Variants in SUGCT observed in about 807,000 individuals in gnomAD.
SUGCT encodes the protein succinyl-CoA:glutarate CoA-transferase.
A neutral mutation model predicts 55.0 loss-of-function variants in SUGCT; 41 were observed. The observed-to-expected ratio is 0.74, with a 90% CI of 0.58 to 0.97. The LOEUF is 0.97. Ranked by LOEUF, SUGCT falls within the 50% of genes least tolerant of loss-of-function variation. The pLI is 0.00. For synonymous variants in SUGCT, 187 were observed against 200.4 expected (o/e 0.93, Z 0.56); for missense variants, 568 against 547.8 (o/e 1.04, Z -0.37).
chr7:40,899,948 T>C, the SUGCT span, among the ~76,000 whole-genome samples: 4 of 152,020 alleles, frequency 2.6e-5, no homozygotes, highest in Admixed American at 2.0e-4. Flanking sequence ...AGGCCTGGAG[T>C]TTCGCAGGAT....
intron 12 of SUGCT, among the ~76,000 whole-genome samples, chr7:40,742,362 G>T (rs894303070): frequency 1.3e-5 from 2 of 152,022 alleles, no homozygotes; most frequent in Non-Finnish European, 2.9e-5. Context: ...AATCTTTTTG[G>T]CACCAGGGCC....
intron 9 of SUGCT, among the ~76,000 whole-genome samples, chr7:40,344,923 GT>G: frequency 6.6e-6 from 1 of 152,294 alleles, no homozygotes; most frequent in Non-Finnish European, 1.5e-5. Flanking sequence ...CGTATAAAGT[GT>G]TTAGCAACTC....
intron 13 of SUGCT, among the ~76,000 whole-genome samples, chr7:40,774,899 T>C (rs1789374109): frequency 6.6e-6 from 1 of 152,134 alleles, no homozygotes; most frequent in Non-Finnish European, 1.5e-5. Context: ...GATAAAAAAG[T>C]TAAATAAAAT....
chr7:40,717,037 T>G (rs1786059105), intron 12 of SUGCT, among the ~76,000 whole-genome samples: 1 of 152,134 alleles, frequency 6.6e-6, no homozygotes, highest in Admixed American at 6.5e-5. Flanking sequence ...TCACCTCTAC[T>G]GGGAATGTAA....
chr7:40,622,561 A>G (rs1348354842), intron 12 of SUGCT, among the ~76,000 whole-genome samples: 4 of 122,860 alleles, frequency 3.3e-5, no homozygotes, highest in Non-Finnish European at 6.5e-5. Flanking sequence ...TCATCTTCTG[A>G]AAACTAATTT....
At chr7:40,303,159 G>C (rs747974644) in intron 8 of SUGCT, among the ~76,000 whole-genome samples, 12 of 151,636 alleles carry the variant, frequency 7.9e-5, no homozygotes, top group Admixed American at 1.3e-4. Flanking sequence ...TCAGCCTCCC[G>C]AGTAGCTGGG....
chr7:40,248,013 GT>G (rs70996895), intron 7 of SUGCT, among the ~76,000 whole-genome samples: 114,136 of 123,084 alleles, frequency 0.93, 52,936 homozygotes, highest in South Asian at 0.98. Context: ...TTGTTTTTTT[GT>G]TTTTTTTTTT....
chr7:40,792,981 A>G (rs1036136080), intron 13 of SUGCT, among the ~76,000 whole-genome samples: 14 of 152,122 alleles, frequency 9.2e-5, no homozygotes, highest in African/African-American at 2.9e-4. Flanking sequence ...TTATTTAAGA[A>G]CACTCCTTAG....
At chr7:40,986,143 T>C in the SUGCT span, among the ~76,000 whole-genome samples, 4 of 152,220 alleles carry the variant, frequency 2.6e-5, no homozygotes, top group African/African-American at 9.6e-5. Context: ...GGTGAGTTAA[T>C]AAGTTATTAA....
At chr7:40,670,503 A>G (rs1410560147) in intron 12 of SUGCT, among the ~76,000 whole-genome samples, 3 of 152,170 alleles carry the variant, frequency 2.0e-5, no homozygotes, top group African/African-American at 7.2e-5. Context: ...CAAAAGGATA[A>G]TAAAGATATA....
chr7:40,958,489 G>A, the SUGCT span, among the ~76,000 whole-genome samples: 4 of 151,648 alleles, frequency 2.6e-5, no homozygotes, highest in East Asian at 2.0e-4. Flanking sequence ...CGAAGTTCTC[G>A]TGCTGTGTTT....
chr7:40,321,157 C>G (rs1204979800), intron 9 of SUGCT, among the ~76,000 whole-genome samples: 1 of 144,884 alleles, frequency 6.9e-6, no homozygotes, highest in African/African-American at 2.5e-5. Flanking sequence ...CTCACTGCAA[C>G]CTCTGCCTCC....
intron 12 of SUGCT, among the ~76,000 whole-genome samples, chr7:40,608,607 G>T (rs868829331): frequency 6.6e-6 from 1 of 152,190 alleles, no homozygotes; most frequent in East Asian, 1.9e-4. Flanking sequence ...CTCATTAGAA[G>T]TATTTTCTCT....
At chr7:40,641,377 T>C (rs7459324) in intron 12 of SUGCT, among the ~76,000 whole-genome samples, 24,907 of 152,110 alleles carry the variant, frequency 0.16, 3,409 homozygotes, top group African/African-American at 0.37. Context: ...GTTAATGAAG[T>C]TTGCATTTAA....
Position 40,245,431 on chromosome 7 carries a change from T to TATACA in SUGCT, c.576+7705_576+7706insATACA, listed in dbSNP as rs1184624224. 3.5e-4 allele frequency among the ~76,000 whole-genome samples: 11 copies of TATACA among 31,360 alleles called. No homozygotes were observed. The South Asian group carries it at 0.019, about 54-fold the overall frequency. The allele number at this position is 31,360 out of a possible 152,430, so 20.6% of individuals were successfully genotyped here. On this transcript the variant is annotated intron_variant, in intron 7 of 13. Coordinates refer to ENST00000335693, the MANE Select transcript of SUGCT (RefSeq NM_001193313.2). ...TATATATATATATATATATTTTTTTTTTTTTTTTTTTTTTTTTTTTTTTTT... is the reference window on the plus strand; with the variant it reads ...TATATATATATATATATATTTTTTTTATACATTTTTTTTTTTTTTTTTTTTTTTTT...
intron 13 of SUGCT, among the ~76,000 whole-genome samples, chr7:40,782,359 A>G (rs1306426623): frequency 6.6e-6 from 1 of 152,116 alleles, no homozygotes; most frequent in Admixed American, 6.6e-5. Flanking sequence ...TCTTGCCAAT[A>G]TAAGTAGTTT....
At chr7:40,921,518 G>A in the SUGCT span, among the ~76,000 whole-genome samples, 72 of 152,324 alleles carry the variant, frequency 4.7e-4, no homozygotes, top group African/African-American at 1.5e-3. Context: ...TGAAGCAGGC[G>A]GCACTGGGAG....
At chr7:40,758,752 A>G (rs1788383151) in intron 13 of SUGCT, among the ~76,000 whole-genome samples, 1 of 152,094 alleles carries the variant, frequency 6.6e-6, no homozygotes, top group South Asian at 2.1e-4. Context: ...AAGATGTTCT[A>G]ATACCACATA....
chr7:40,744,461 G>A (rs1052705558), intron 12 of SUGCT, among the ~76,000 whole-genome samples: 2 of 152,076 alleles, frequency 1.3e-5, no homozygotes, highest in African/African-American at 4.8e-5. Flanking sequence ...TTTTTTTACA[G>A]AATTGACCAC....
Sources: allele counts gnomAD v4.1 joint callset (sites outside exome capture counted in the v4.1 genomes callset), GRCh38; gene constraint gnomAD v4.1.1; transcripts MANE v1.5; gene names NCBI Gene and HGNC (gene_info 2026-07-23, HGNC 2026-07-21).